The following CSMD3 variants were observed in gnomAD, a reference collection of about 807,000 sequenced individuals.
CSMD3 encodes CUB and sushi domain-containing protein 3.
In CSMD3, 177 loss-of-function variants were observed where a neutral mutation model predicts 435.2. The observed-to-expected ratio is 0.41, with a 90% CI of 0.36 to 0.46. The LOEUF (loss-of-function observed/expected upper bound fraction) is 0.46, where lower values mean the gene tolerates loss of function less well. Among genes scored for constraint, CSMD3 ranks in the 20% least tolerant of loss-of-function variants. The probability of loss-of-function intolerance (pLI) is 0.34; values close to 1 mark genes in which losing one functional copy is unlikely to be tolerated. For missense variants in CSMD3, 4,265 were observed against 4,504.6 expected (o/e 0.95, Z 1.52); for synonymous variants, 1,656 against 1,520.5 (o/e 1.09, Z -2.07).
At chr8:112,443,875 G>T (rs1162335145) in intron 32 of CSMD3, among the ~76,000 whole-genome samples, 1 of 151,886 alleles carries the variant, frequency 6.6e-6, no homozygotes, top group Admixed American at 6.6e-5. Flanking sequence ...CTCATTGATT[G>T]TTTATTATGT....
intron 5 of CSMD3, among the ~76,000 whole-genome samples, chr8:113,088,770 T>G (rs2089897853): frequency 6.7e-6 from 1 of 149,390 alleles, no homozygotes. Flanking sequence ...AAATGACTAG[T>G]TAATGGGTGC....
At chr8:112,948,942 C>T (rs913994338) in intron 8 of CSMD3, among the ~76,000 whole-genome samples, 4 of 151,950 alleles carry the variant, frequency 2.6e-5, no homozygotes, top group African/African-American at 4.8e-5. Context: ...CAGGGTCTTG[C>T]TTTGCCATCC....
At chr8:112,501,609 T>C (rs545976963) in intron 30 of CSMD3, among the ~76,000 whole-genome samples, 104 of 152,324 alleles carry the variant, frequency 6.8e-4, no homozygotes, top group African/African-American at 2.3e-3. Context: ...GTACAGCCTC[T>C]TTAGAGAATA....
chr8:113,387,349 AC>A (rs2094443525), intron 1 of CSMD3, among the ~76,000 whole-genome samples: 1 of 151,834 alleles, frequency 6.6e-6, no homozygotes, highest in Non-Finnish European at 1.5e-5. Flanking sequence ...TTTTACGAAT[AC>A]AGCAGTAATT....
chr8:112,903,652 A>T (rs2082170919), intron 10 of CSMD3, among the ~76,000 whole-genome samples: 1 of 151,118 alleles, frequency 6.6e-6, no homozygotes, highest in Non-Finnish European at 1.5e-5. Flanking sequence ...TTTTACAAAC[A>T]CTGTAAATTT....
At chr8:112,673,805 G>C (rs913700792) in intron 16 of CSMD3, among the ~76,000 whole-genome samples, 8 of 152,128 alleles carry the variant, frequency 5.3e-5, no homozygotes, top group Admixed American at 1.3e-4. Flanking sequence ...AATTCTCTTA[G>C]ATATCCCATT....
intron 3 of CSMD3, among the ~76,000 whole-genome samples, chr8:113,243,945 T>C (rs533678212): frequency 1.3e-5 from 2 of 152,320 alleles, no homozygotes; most frequent in African/African-American, 4.8e-5. Context: ...ATATTTAAAC[T>C]GATTTATTTG....
At chr8:113,268,992 G>A (rs1377053749) in intron 3 of CSMD3, among the ~76,000 whole-genome samples, 3 of 152,050 alleles carry the variant, frequency 2.0e-5, no homozygotes, top group African/African-American at 7.2e-5. Flanking sequence ...ATGAATTTTA[G>A]TCCTTTTACT....
intron 22 of CSMD3, among the ~76,000 whole-genome samples, chr8:112,598,143 T>A (rs924362374): frequency 6.9e-6 from 1 of 144,344 alleles, no homozygotes; most frequent in Non-Finnish European, 1.5e-5. Flanking sequence ...CAAAATCTCC[T>A]TAAGCTGATA....
At chr8:112,924,549 G>C (rs2082851875) in intron 9 of CSMD3, among the ~76,000 whole-genome samples, 1 of 151,916 alleles carries the variant, frequency 6.6e-6, no homozygotes, top group South Asian at 2.1e-4. Context: ...AGGAGTTTGA[G>C]CATGTTTCTT....
chr8:112,506,819 T>G lies in CSMD3; in HGVS notation c.4767A>C (p.Gly1589=), dbSNP rs151252317. Residue 1589 remains glycine (G), a synonymous_variant, in exon 29 of 71, where the codon GGA becomes GGC. Coordinates refer to ENST00000297405, the MANE Select transcript of CSMD3 (RefSeq NM_198123.2). ...AGCCTGAAGATCCTGTTAAATTGCC[T>G]CCACAGGGTGCTTTAATTTAAACAA... The part of the protein sequence containing the change: ...PSPPVCIAPC[G]GNLTGSSGFI... The G allele has an allele frequency of 7.4e-6, 12 of 1,613,014 alleles. No homozygotes were observed. In the African/African-American group the frequency reaches 1.6e-4, roughly 22 times the overall value.
intron 10 of CSMD3, among the ~76,000 whole-genome samples, chr8:112,920,971 A>G (rs1419328485): frequency 6.8e-6 from 1 of 146,898 alleles, no homozygotes; most frequent in African/African-American, 2.5e-5. Flanking sequence ...ATTTATATAT[A>G]TATATGTACA....
At chr8:112,734,427 T>A (rs551546158) in intron 13 of CSMD3, among the ~76,000 whole-genome samples, 7 of 152,020 alleles carry the variant, frequency 4.6e-5, no homozygotes, top group African/African-American at 7.2e-5. Context: ...TACAAAAAAA[T>A]TTTAAGTGTT....
intron 10 of CSMD3, among the ~76,000 whole-genome samples, chr8:112,886,796 C>G (rs1451970552): frequency 6.6e-6 from 1 of 151,468 alleles, no homozygotes; most frequent in African/African-American, 2.4e-5. Flanking sequence ...TGCACACTCC[C>G]CTGTATACCT....
intron 13 of CSMD3, among the ~76,000 whole-genome samples, chr8:112,748,426 A>G (rs1220084635): frequency 3.3e-5 from 5 of 152,166 alleles, no homozygotes; most frequent in African/African-American, 9.7e-5. Flanking sequence ...TGTTGTACAT[A>G]TTATTATATA....
intron 53 of CSMD3, among the ~76,000 whole-genome samples, chr8:112,296,609 A>C (rs892534032): frequency 1.3e-5 from 2 of 151,882 alleles, no homozygotes; most frequent in Non-Finnish European, 2.9e-5. Context: ...AGAGGTACAG[A>C]TAAAGCATTA....
At chr8:112,685,151 G>A (rs1416604460) in intron 15 of CSMD3, among the ~76,000 whole-genome samples, 1 of 151,974 alleles carries the variant, frequency 6.6e-6, no homozygotes, top group Non-Finnish European at 1.5e-5. Context: ...AAATATATTG[G>A]CTTACATAAT....
Position 112,692,565 on chromosome 8 carries a change from G to C in CSMD3, c.1973-2515C>G, listed in dbSNP as rs183761898. On this transcript the variant is annotated intron_variant, in intron 13 of 70. Coordinates refer to ENST00000297405, the MANE Select transcript of CSMD3 (RefSeq NM_198123.2). Reference sequence around the variant, plus strand: ...TGTCTACTGGCTCCAACAACTTCTTGAAGAAGCCTGTTAAAGTTCCAAATG... The same window carrying C: ...TGTCTACTGGCTCCAACAACTTCTTCAAGAAGCCTGTTAAAGTTCCAAATG... 1.2e-3 allele frequency among the ~76,000 whole-genome samples: 179 copies of C among 152,240 alleles called. 4 individuals carry two copies. Among genetic ancestry groups the C allele is most frequent in the Admixed American group, 0.011 (166 of 15,282 alleles).
chr8:113,318,644 T>A (rs1458958930), intron 1 of CSMD3, among the ~76,000 whole-genome samples: 1 of 151,938 alleles, frequency 6.6e-6, no homozygotes, highest in Non-Finnish European at 1.5e-5. Flanking sequence ...TTAAGCTTTT[T>A]AAAAAAAATA....
Sources: allele counts gnomAD v4.1 joint callset (sites outside exome capture counted in the v4.1 genomes callset), GRCh38; gene constraint gnomAD v4.1.1; transcripts MANE v1.5; gene names NCBI Gene and HGNC (gene_info 2026-07-23, HGNC 2026-07-21).